Variants in NPEPL1 observed in about 807,000 individuals in gnomAD.
NPEPL1 encodes aminopeptidase like 1, also known as probable aminopeptidase NPEPL1.
A neutral mutation model predicts 52.4 loss-of-function variants in NPEPL1; 45 were observed. That is an observed-to-expected ratio of 0.86 (90% CI 0.68 to 1.10). NPEPL1 has a LOEUF of 1.10. NPEPL1 is among the 50% of genes least tolerant of loss of function. The pLI, the probability that NPEPL1 is intolerant of heterozygous loss-of-function variation, is 0.00. For missense variants in NPEPL1, 696 were observed against 710.9 expected (o/e 0.98, Z 0.24); for synonymous variants, 360 against 314.7 (o/e 1.14, Z -1.52).
intron 6 of NPEPL1, 92 bp from the exon 7 acceptor site, chr20:58,707,031 T>C (rs1354095801): frequency 7.9e-7 from 1 of 1,265,216 alleles, no homozygotes; most frequent in Non-Finnish European, 1.1e-6. Flanking sequence ...AAGGTGGGGC[T>C]AGCGTGGGGC....
Position 58,701,111 on chromosome 20 carries a change from G to C in NPEPL1, c.775G>C (p.Gly259Arg). The change falls in exon 6 of 12, where the codon GGC (glycine) becomes CGC (arginine). Residue 259 changes from glycine (G) to arginine (R), a missense_variant. Transcript: ENST00000356091. The part of the protein sequence containing the change: ...DGATQTIAWV[G>R]KGIVYDTGGL... ...AGCCACGCAGACCATCGCCTGGGTG[G>C]GCAAAGGCATCGTCTATGACACTGG... 6.3e-7 allele frequency: 1 copy of C among 1,590,536 alleles called. No individual in the cohort carries two copies. The highest frequency in any genetic ancestry group is 8.6e-7 in the Non-Finnish European group (1 of 1,169,428).
chr20:58,694,010 T>G (rs1485597910), intron 2 of NPEPL1, 88 bp downstream of exon 2: 12 of 1,284,800 alleles, frequency 9.3e-6, no homozygotes, highest in Non-Finnish European at 1.3e-5. Context: ...CTGCTCAGAC[T>G]GCAGCGCACG....
intron 10 of NPEPL1, 66 bp from the exon 11 acceptor site, chr20:58,714,494 T>C (rs956577807): frequency 8.6e-6 from 10 of 1,168,894 alleles, no homozygotes; most frequent in Non-Finnish European, 1.2e-5. Context: ...TGACAGGCGA[T>C]GGGGCAGGGT....
intron 7 of NPEPL1, among the ~76,000 whole-genome samples, chr20:58,708,950 A>G (rs1340434446): frequency 6.6e-6 from 1 of 151,704 alleles, no homozygotes; most frequent in Non-Finnish European, 1.5e-5. Flanking sequence ...TACTCCTCCA[A>G]CAGAGGGTCT....
intron 3 of NPEPL1, 67 bp from the exon 4 acceptor site, chr20:58,698,616 TG>T (rs910253433): frequency 2.3e-6 from 3 of 1,301,984 alleles, no homozygotes; most frequent in Admixed American, 1.7e-5. Context: ...CTTTTGTTCC[TG>T]GGGGATGGAC....
At position 58,693,590 on chromosome 20, in the gene NPEPL1, C is replaced by T. The variant is rs141147564; in HGVS notation, c.151-147C>T. ...GCTCTGCAGAGAGGCGACACATCTC[C>T]CTAAGGATGGGAAAACGGTGGCCGG... is the stretch of plus-strand genomic sequence containing the variant. On this transcript the variant is annotated intron_variant, in intron 1 of 11. Transcript: ENST00000356091. 1,005 of 671,006 alleles carry T rather than the reference C, an allele frequency of 1.5e-3. 8 individuals are homozygous for T. Among genetic ancestry groups the T allele is most frequent in the African/African-American group, 0.015 (811 of 55,224 alleles). The allele number at this position is 671,006 out of a possible 1,614,324, so 41.6% of individuals were successfully genotyped here.
intron 3 of NPEPL1, among the ~76,000 whole-genome samples, chr20:58,695,061 TGC>T (rs1411422392): frequency 8.9e-4 from 99 of 110,736 alleles, no homozygotes; most frequent in East Asian, 1.5e-3. Flanking sequence ...TGCTGGTGTG[TGC>T]ATGAGTGGTG....
chr20:58,700,772 G>T (rs1213188421), intron 5 of NPEPL1, among the ~76,000 whole-genome samples: 4 of 152,138 alleles, frequency 2.6e-5, no homozygotes, highest in Admixed American at 6.5e-5. Context: ...TTTTCCCTTA[G>T]TGGGTTTTCT....
intron 5 of NPEPL1, among the ~76,000 whole-genome samples, chr20:58,700,286 A>C (rs1427166968): frequency 4.6e-5 from 7 of 152,146 alleles, no homozygotes; most frequent in Admixed American, 4.6e-4. Context: ...AGGGGGAGGG[A>C]CTGCACAAGG....
chr20:58,701,061 C>T lies in NPEPL1; in HGVS notation c.725C>T (p.Ala242Val). 1 of 1,595,202 alleles carries T rather than the reference C, an allele frequency of 6.3e-7. No individual in the cohort carries two copies. Among genetic ancestry groups the T allele is most frequent in the African/African-American group, 1.3e-5 (1 of 74,412 alleles). Reference sequence around the variant, plus strand: ...GCCGCCCTGCATCCCCCAGCCCTGGCCGTCCTCAGCCACACCCCAGATGGA... The same window carrying T: ...GCCGCCCTGCATCCCCCAGCCCTGGTCGTCCTCAGCCACACCCCAGATGGA... ...GKAALHPPALAVLSHTPDGAT... is the reference protein window; with the variant it reads ...GKAALHPPALVVLSHTPDGAT... The change falls in exon 6 of 12, where the codon GCC becomes GTC. Residue 242 changes from alanine (A) to valine (V), a missense_variant. Coordinates refer to ENST00000356091, the MANE Select transcript of NPEPL1 (RefSeq NM_024663.4).
intron 7 of NPEPL1, among the ~76,000 whole-genome samples, chr20:58,708,858 C>A (rs1302802288): frequency 2.0e-5 from 3 of 151,994 alleles, no homozygotes; most frequent in African/African-American, 4.8e-5. Flanking sequence ...TCTGGGGTGG[C>A]ACGGGGGCAG....
intron 6 of NPEPL1, chr20:58,703,313 T>A (rs2084671359): frequency 3.8e-6 from 1 of 264,432 alleles, no homozygotes; most frequent in African/African-American, 2.3e-5. Flanking sequence ...AACAACAGAT[T>A]TTCGGAGGAG....
chr20:58,705,395 A>G (rs1027080264), intron 6 of NPEPL1: 9 of 448,730 alleles, frequency 2.0e-5, no homozygotes, highest in African/African-American at 1.8e-4. Flanking sequence ...CACACGGAAT[A>G]TGGAAAATGT....
At chr20:58,708,335 C>T (rs1182892719) in intron 7 of NPEPL1, among the ~76,000 whole-genome samples, 1 of 152,216 alleles carries the variant, frequency 6.6e-6, no homozygotes, top group African/African-American at 2.4e-5. Context: ...GACTGTGTGA[C>T]GGGCTTCTGC....
chr20:58,698,495 C>T (rs902033954), intron 3 of NPEPL1, among the ~76,000 whole-genome samples, 189 bp from the exon 4 acceptor site: 41 of 151,968 alleles, frequency 2.7e-4, no homozygotes, highest in South Asian at 1.0e-3. Context: ...TACAGGTGGC[C>T]GGTGGCCCTG....
At chr20:58,693,638 G>C (rs1019163076) in intron 1 of NPEPL1, 99 bp from the exon 2 acceptor site, 4 of 1,071,106 alleles carry the variant, frequency 3.7e-6, no homozygotes, top group Non-Finnish European at 5.5e-6. Flanking sequence ...GCCCTTCCAG[G>C]ACTGCAGGAG....
chr20:58,712,540 C>G lies in NPEPL1; in HGVS notation c.962C>G (p.Ala321Gly). 1.2e-6 allele frequency: 2 copies of G among 1,613,540 alleles called. No homozygotes were observed. Among genetic ancestry groups the G allele is most frequent in the African/African-American group, 1.3e-5 (1 of 74,974 alleles). The change falls in exon 8 of 12, where the codon GCG becomes GGG. Residue 321 changes from alanine (A) to glycine (G), a missense_variant. By Grantham distance (60) the Ala-to-Gly change is moderately conservative. Coordinates refer to ENST00000356091, the MANE Select transcript of NPEPL1 (RefSeq NM_024663.4). ...GCTGAGAACTCGGTGGGGCCCAATG[C>G]GACAAGGCCAGATGACATCCACCTG... is the stretch of plus-strand genomic sequence containing the variant. ...CLAENSVGPN[A>G]TRPDDIHLLY...
chr20:58,710,477 G>A (rs1177428615), intron 7 of NPEPL1, among the ~76,000 whole-genome samples: 1 of 151,064 alleles, frequency 6.6e-6, no homozygotes, highest in Non-Finnish European at 1.5e-5. Flanking sequence ...GGGGGTGTTA[G>A]CGACCCTCCA....
Position 58,693,736 on chromosome 20 carries a change from G to C in NPEPL1, c.151-1G>C, listed in dbSNP as rs778332248. 3.7e-6 allele frequency: 6 copies of C among 1,601,658 alleles called. No homozygotes were observed. The Admixed American group carries it at 6.7e-5, about 18-fold the overall frequency. On this transcript the variant is annotated splice_acceptor_variant, in intron 1 of 11. Transcript: ENST00000356091. LOFTEE classifies it high-confidence loss of function. The stretch of plus-strand genomic sequence containing the variant: ...TGTCTTGTCTCTCCCTTCTGATCTA[G>C]CTCTGGCAGGCTGCCCTGAGCACGC...
Sources: allele counts gnomAD v4.1 joint callset (sites outside exome capture counted in the v4.1 genomes callset), GRCh38; gene constraint gnomAD v4.1.1; transcripts MANE v1.5; gene names NCBI Gene and HGNC (gene_info 2026-07-23, HGNC 2026-07-21).